FBXL7: variants seen among roughly 807,000 people sequenced by gnomAD.
FBXL7 encodes F-box and leucine rich repeat protein 7.
FBXL7 carries 12 observed loss-of-function variants against 38.3 expected under a neutral mutation model. The observed-to-expected ratio is 0.31, with a 90% confidence interval of 0.20 to 0.51. FBXL7 has a LOEUF of 0.51. FBXL7 is among the 20% of genes least tolerant of loss of function. The pLI is 0.98. For missense variants in FBXL7, 567 were observed against 676.4 expected, an observed-to-expected ratio of 0.84 and a Z score of 1.79; for synonymous variants, 297 against 300.9, an observed-to-expected ratio of 0.99 and a Z score of 0.13.
chr5:15,634,227 G>T (rs1481738210), intron 2 of FBXL7, among the ~76,000 whole-genome samples: 1 of 151,788 alleles, frequency 6.6e-6, no homozygotes, highest in Admixed American at 6.6e-5. Flanking sequence ...ACACACCTGT[G>T]TGGGGAGGTG....
At chr5:15,604,036 T>C (rs2126498167) in intron 1 of FBXL7, among the ~76,000 whole-genome samples, 1 of 152,238 alleles carries the variant, frequency 6.6e-6, no homozygotes, top group Admixed American at 6.5e-5. Context: ...CTCAGGAGGA[T>C]GAGGCACAAG....
intron 2 of FBXL7, among the ~76,000 whole-genome samples, chr5:15,656,403 C>G (rs1322734337): frequency 7.9e-5 from 12 of 152,136 alleles, no homozygotes. Context: ...GGAATCCTCA[C>G]AATCATCACA....
chr5:15,929,344 G>A (rs946102047), intron 3 of FBXL7, among the ~76,000 whole-genome samples: 2 of 152,216 alleles, frequency 1.3e-5, no homozygotes, highest in Non-Finnish European at 2.9e-5. Flanking sequence ...AGGAAGTCGG[G>A]CGTAGAGGCC....
intron 2 of FBXL7, among the ~76,000 whole-genome samples, chr5:15,835,703 T>C (rs1043555203): frequency 6.6e-6 from 1 of 152,118 alleles, no homozygotes; most frequent in Non-Finnish European, 1.5e-5. Flanking sequence ...GCATCTCCTA[T>C]TACCACTCAA....
chr5:15,775,761 G>A lies in FBXL7; in HGVS notation c.128-152129G>A, dbSNP rs57969963. On this transcript the variant is annotated intron_variant, in intron 2 of 3. Coordinates refer to ENST00000504595, the MANE Select transcript of FBXL7 (RefSeq NM_012304.5). ...GCACATATTTTTGATAATTAAAAAC[G>A]AGGATAGCAGTCTTTTTACATGTTG... Among the ~76,000 whole-genome samples the A allele has an allele frequency of 2.9e-4, 44 of 152,272 alleles. No homozygotes were observed. The East Asian group carries it at 7.3e-3, about 25-fold the overall frequency.
intron 2 of FBXL7, among the ~76,000 whole-genome samples, chr5:15,643,308 A>G (rs1235611401): frequency 6.6e-6 from 1 of 152,216 alleles, no homozygotes; most frequent in Non-Finnish European, 1.5e-5. Context: ...AGACGTGCGC[A>G]TGCATTCTGG....
intron 2 of FBXL7, among the ~76,000 whole-genome samples, chr5:15,837,282 T>A (rs72734168): frequency 0.013 from 1,928 of 152,330 alleles, 26 homozygotes; most frequent in Non-Finnish European, 0.02. Context: ...AGGTAAATAC[T>A]TTTAATTGAT....
chr5:15,902,415 T>C (rs938937341), intron 2 of FBXL7, among the ~76,000 whole-genome samples: 12 of 152,204 alleles, frequency 7.9e-5, no homozygotes, highest in African/African-American at 2.4e-4. Flanking sequence ...TGCCATTTGC[T>C]GCCATTATGT....
chr5:15,878,551 T>C (rs1319529305), intron 2 of FBXL7, among the ~76,000 whole-genome samples: 1 of 152,182 alleles, frequency 6.6e-6, no homozygotes, highest in Non-Finnish European at 1.5e-5. Flanking sequence ...TATGATCTAG[T>C]TTCTGGATCT....
chr5:15,640,026 A>G (rs548857971), intron 2 of FBXL7, among the ~76,000 whole-genome samples: 2 of 152,252 alleles, frequency 1.3e-5, no homozygotes, highest in South Asian at 4.1e-4. Flanking sequence ...CTTGGATTGC[A>G]TTTCACAATG....
At chr5:15,734,685 A>G (rs905976874) in intron 2 of FBXL7, among the ~76,000 whole-genome samples, 1 of 152,186 alleles carries the variant, frequency 6.6e-6, no homozygotes, top group African/African-American at 2.4e-5. Flanking sequence ...TCTGTGATAT[A>G]ATAATCACAA....
chr5:15,744,569 C>T (rs994328582), intron 2 of FBXL7, among the ~76,000 whole-genome samples: 1 of 152,226 alleles, frequency 6.6e-6, no homozygotes. Context: ...CAAACTTTCT[C>T]ACACTTTCCT....
At chr5:15,698,665 A>G (rs1163372561) in intron 2 of FBXL7, among the ~76,000 whole-genome samples, 1 of 152,206 alleles carries the variant, frequency 6.6e-6, no homozygotes, top group Non-Finnish European at 1.5e-5. Flanking sequence ...CTCTTTCTGT[A>G]AGAGCCACAG....
intron 2 of FBXL7, among the ~76,000 whole-genome samples, chr5:15,618,723 C>T (rs575574499): frequency 6.6e-6 from 1 of 152,256 alleles, no homozygotes; most frequent in Admixed American, 6.5e-5. Context: ...GAGGAAGAAG[C>T]AGAAGGCAGA....
At chr5:15,690,775 A>G (rs1279316055) in intron 2 of FBXL7, among the ~76,000 whole-genome samples, 1 of 152,192 alleles carries the variant, frequency 6.6e-6, no homozygotes, top group African/African-American at 2.4e-5. Flanking sequence ...AATGATGGTT[A>G]CCAGAGGCTG....
chr5:15,769,919 T>G (rs1035808285), intron 2 of FBXL7, among the ~76,000 whole-genome samples: 1 of 152,218 alleles, frequency 6.6e-6, no homozygotes, highest in Admixed American at 6.5e-5. Context: ...CTTTGAAACT[T>G]TTTTTGTAAA....
At chr5:15,887,603 G>T (rs1263080995) in intron 2 of FBXL7, among the ~76,000 whole-genome samples, 1 of 152,146 alleles carries the variant, frequency 6.6e-6, no homozygotes, top group Non-Finnish European at 1.5e-5. Flanking sequence ...GCGCTTCTAA[G>T]CTTTGTTAAG....
At position 15,500,767 on chromosome 5, in the gene FBXL7, C is replaced by T. The variant is rs896387567; in HGVS notation, c.37+54C>T. 8.8e-6 allele frequency: 14 copies of T among 1,586,252 alleles called. No homozygotes were observed. In the African/African-American group the frequency reaches 1.4e-4, roughly 16 times the overall value. ...CGGATCGCGTCCCTCCTCCCCTTTC[C>T]CTCGCCCTCCCGACTGGGAAGGGAG... On this transcript the variant is annotated intron_variant, in intron 1 of 3. Coordinates refer to ENST00000504595, the MANE Select transcript of FBXL7 (RefSeq NM_012304.5).
At chr5:15,505,447 C>T (rs1056742605) in intron 1 of FBXL7, among the ~76,000 whole-genome samples, 1 of 152,104 alleles carries the variant, frequency 6.6e-6, no homozygotes, top group African/African-American at 2.4e-5. Flanking sequence ...CCGCTATGGG[C>T]CCAGGACTCA....
Sources: gnomAD v4.1 joint callset for allele counts (sites outside exome capture counted in the v4.1 genomes callset) on GRCh38, gnomAD v4.1.1 for gene constraint, MANE v1.5 for transcripts, NCBI Gene and HGNC (gene_info 2026-07-23, HGNC 2026-07-21) for gene names.